SAMMSON: variants seen among roughly 807,000 people sequenced by gnomAD.
SAMMSON encodes the protein long intergenic non-protein coding RNA 1212.
In SAMMSON at chr3:70,298,566, ATCT is replaced by A. The variant is rs140745922; in HGVS notation, n.739+7326_739+7328del. Among the ~76,000 whole-genome samples the A allele has an allele frequency of 4.6e-3, 701 of 152,268 alleles. 4 individuals carry two copies. The highest frequency in any genetic ancestry group is 5.3e-3 in the Non-Finnish European group (358 of 68,010). On this transcript the variant is annotated intron_variant and non_coding_transcript_variant, in intron 7 of 9. Coordinates refer to ENST00000642114, the Ensembl canonical transcript of SAMMSON. The stretch of plus-strand genomic sequence containing the variant: ...GATCTACAGATAAGTTGGCTTCTGA[ATCT>A]TCATCTAATTTCATAACTAAGTCCT...
At chr3:70,206,396 T>G (rs2106724265) in intron 4 of SAMMSON, among the ~76,000 whole-genome samples, 1 of 152,228 alleles carries the variant, frequency 6.6e-6, no homozygotes, top group Non-Finnish European at 1.5e-5. Context: ...GCCAAGCGCC[T>G]CATAACTGCA....
At chr3:70,008,110 G>T (rs2066936251) in intron 1 of SAMMSON, among the ~76,000 whole-genome samples, 1 of 152,100 alleles carries the variant, frequency 6.6e-6, no homozygotes, top group Non-Finnish European at 1.5e-5. Flanking sequence ...TTTGACTTAG[G>T]ATTGACTTGG....
intron 9 of SAMMSON, among the ~76,000 whole-genome samples, chr3:70,385,534 G>A (rs1290981945): frequency 2.0e-4 from 31 of 152,058 alleles, no homozygotes. Flanking sequence ...TAGGCTGTGT[G>A]GGGGTGACAA....
At chr3:70,349,238 G>A (rs141292878) in intron 7 of SAMMSON, among the ~76,000 whole-genome samples, 111 of 152,222 alleles carry the variant, frequency 7.3e-4, no homozygotes, top group African/African-American at 2.0e-3. Context: ...GCTGGGCACG[G>A]TGGCAGGTGC....
chr3:70,133,190 C>G (rs1053440433), intron 4 of SAMMSON, among the ~76,000 whole-genome samples: 3 of 152,018 alleles, frequency 2.0e-5, no homozygotes, highest in South Asian at 2.1e-4. Context: ...TCTAGGGGAA[C>G]CAGTCATGTG....
intron 4 of SAMMSON, among the ~76,000 whole-genome samples, chr3:70,163,544 C>T (rs554284101): frequency 2.0e-5 from 3 of 151,880 alleles, no homozygotes; most frequent in African/African-American, 7.3e-5. Flanking sequence ...ACATGAAATA[C>T]TTACTTTGTA....
chr3:70,209,850 T>A (rs934277220), intron 4 of SAMMSON, among the ~76,000 whole-genome samples: 1 of 152,052 alleles, frequency 6.6e-6, no homozygotes, highest in Non-Finnish European at 1.5e-5. Flanking sequence ...CCCTTAGCAG[T>A]CTTTGCAAAG....
chr3:70,020,407 A>G (rs1273291194), intron 3 of SAMMSON, among the ~76,000 whole-genome samples: 1 of 152,178 alleles, frequency 6.6e-6, no homozygotes, highest in Non-Finnish European at 1.5e-5. Context: ...AAATTATGCA[A>G]ATGCTCTGGA....
intron 4 of SAMMSON, among the ~76,000 whole-genome samples, chr3:70,238,405 T>C (rs924818858): frequency 1.9e-4 from 29 of 151,964 alleles, no homozygotes; most frequent in African/African-American, 7.0e-4. Flanking sequence ...GCCCAGGAGT[T>C]CAAGACTAGC....
chr3:70,168,750 C>G (rs2106697723), intron 4 of SAMMSON, among the ~76,000 whole-genome samples: 1 of 151,980 alleles, frequency 6.6e-6, no homozygotes, highest in Non-Finnish European at 1.5e-5. Context: ...TCTGCTTGTC[C>G]ATCAATTTAT....
intron 4 of SAMMSON, among the ~76,000 whole-genome samples, chr3:70,197,954 A>G (rs1170602965): frequency 2.0e-5 from 3 of 152,156 alleles, no homozygotes; most frequent in Non-Finnish European, 2.9e-5. Flanking sequence ...GGTAACTGGT[A>G]ATTTCTAGCC....
chr3:70,424,378 G>A (rs1701337772), intron 2 of SAMMSON, among the ~76,000 whole-genome samples: 1 of 152,056 alleles, frequency 6.6e-6, no homozygotes, highest in Non-Finnish European at 1.5e-5. Context: ...GGTAATTTAG[G>A]AATCTTTAAA....
chr3:70,355,335 A>G (rs187551962), intron 8 of SAMMSON, among the ~76,000 whole-genome samples: 12 of 152,298 alleles, frequency 7.9e-5, no homozygotes, highest in Admixed American at 2.0e-4. Flanking sequence ...GAAGAGTGAT[A>G]TTGAAATGAA....
intron 6 of SAMMSON, among the ~76,000 whole-genome samples, chr3:70,267,645 T>A (rs1207334436): frequency 2.7e-5 from 4 of 149,314 alleles, no homozygotes; most frequent in Non-Finnish European, 5.9e-5. Flanking sequence ...CTTGACCTCC[T>A]GACCTCGAGG....
chr3:70,244,755 T>C (rs887209110), intron 4 of SAMMSON, among the ~76,000 whole-genome samples: 2 of 152,202 alleles, frequency 1.3e-5, no homozygotes, highest in African/African-American at 4.8e-5. Flanking sequence ...GTACTTATAT[T>C]TTGTGCATGT....
chr3:70,046,609 G>C (rs1445832492), intron 3 of SAMMSON, among the ~76,000 whole-genome samples: 1 of 152,010 alleles, frequency 6.6e-6, no homozygotes, highest in Non-Finnish European at 1.5e-5. Context: ...TGGGAATCCT[G>C]TTTCTTTTGT....
At chr3:70,042,760 A>T (rs758018638) in intron 3 of SAMMSON, among the ~76,000 whole-genome samples, 2 of 152,062 alleles carry the variant, frequency 1.3e-5, no homozygotes, top group Non-Finnish European at 1.5e-5. Context: ...TTATGCATGA[A>T]ATTGTGCCGG....
At chr3:70,239,439 G>A (rs1284442036) in intron 4 of SAMMSON, among the ~76,000 whole-genome samples, 1 of 152,142 alleles carries the variant, frequency 6.6e-6, no homozygotes, top group Non-Finnish European at 1.5e-5. Flanking sequence ...TGTTCCCAAA[G>A]AGAACATTTC....
At chr3:70,047,482 A>C (rs376207931) in intron 3 of SAMMSON, among the ~76,000 whole-genome samples, 1 of 151,800 alleles carries the variant, frequency 6.6e-6, no homozygotes, top group East Asian at 2.0e-4. Context: ...AACTACAGGC[A>C]CACACCTCCA....
Sources: gnomAD v4.1 joint callset for allele counts (sites outside exome capture counted in the v4.1 genomes callset) on GRCh38, gnomAD v4.1.1 for gene constraint, MANE v1.5 for transcripts, NCBI Gene and HGNC (gene_info 2026-07-23, HGNC 2026-07-21) for gene names.